Variants in B4GALNT2 observed in about 807,000 individuals in gnomAD.
B4GALNT2 encodes the protein N-acetylneuraminylgalactosylglucosyl-glucoside beta-1,4-N- acetylgalactosaminyltransferase 2.
A neutral mutation model predicts 51.1 loss-of-function variants in B4GALNT2; 42 were observed. The ratio of observed to expected loss-of-function variants is 0.82; its 90% CI spans 0.64 to 1.06. The LOEUF (loss-of-function observed/expected upper bound fraction) is 1.06, where lower values mean the gene tolerates loss of function less well. Among genes scored for constraint, B4GALNT2 ranks in the 50% least tolerant of loss-of-function variants. B4GALNT2 has a pLI of 0.00. For missense variants in B4GALNT2, 602 were observed against 633.6 expected (o/e 0.95, Z 0.54); for synonymous variants, 253 against 251.7 (o/e 1.01, Z -0.05).
Position 49,168,980 on chromosome 17 carries a change from C to T in B4GALNT2, c.1315+80C>T, listed in dbSNP as rs113743375. The T allele has an allele frequency of 2.7e-4, 385 of 1,417,716 alleles. 3 individuals carry two copies. In the African/African-American group the frequency reaches 3.6e-3, roughly 13 times the overall value. The allele number at this position is 1,417,716 out of a possible 1,614,324, so 87.8% of individuals were successfully genotyped here. A position where few individuals can be genotyped will look rare whatever the true frequency, so the allele number is the denominator to read the frequency against. On this transcript the variant is annotated intron_variant, in intron 10 of 10. Transcript: ENST00000393354. ...GTTTGTTCTTTCCAAGGGCTGTACCCGGCTGGCTGATCATAGTCGCTTGCC... is the reference window on the plus strand; with the variant it reads ...GTTTGTTCTTTCCAAGGGCTGTACCTGGCTGGCTGATCATAGTCGCTTGCC...
Position 49,173,037 on chromosome 17 carries a change from C to T in B4GALNT2, c.*3309C>T, listed in dbSNP as rs2042967032. On this transcript the variant is annotated 3_prime_UTR_variant, in exon 11 of 11. Coordinates refer to ENST00000393354, the MANE Select transcript of B4GALNT2 (RefSeq NM_001159387.2). ...CCGTATCTGTGTTTGAGACCAGAGG[C>T]ATTAACATAGGTTAAATTGTGAAAG... 1 of 152,236 alleles carries T rather than the reference C, an allele frequency of 6.6e-6. No individual in the cohort carries two copies. Among genetic ancestry groups the T allele is most frequent in the Non-Finnish European group, 1.5e-5 (1 of 68,048 alleles). The allele number at this position is 152,236 out of a possible 1,614,324, so 9.4% of individuals were successfully genotyped here.
At position 49,168,747 on chromosome 17, in the gene B4GALNT2, G is replaced by A; in HGVS notation, c.1162G>A (p.Ala388Thr). 2 of 1,614,072 alleles carry A rather than the reference G, an allele frequency of 1.2e-6. No homozygotes were observed. The highest frequency in any genetic ancestry group is 1.7e-6 in the Non-Finnish European group (2 of 1,180,012). ...GTTGCTGGAACAGAGTGAGAATGGG[G>A]CCTGCCTTCACAAGAGGATGGGATT... ...KLLLEQSENG[A>T]CLHKRMGFFQ... The change falls in exon 10 of 11, where the codon GCC becomes ACC. Residue 388 changes from alanine to threonine, a missense_variant. Transcript: ENST00000393354.
the B4GALNT2 span, among the ~76,000 whole-genome samples, chr17:49,126,685 C>G: frequency 3.2e-5 from 4 of 126,302 alleles, no homozygotes; most frequent in Non-Finnish European, 6.3e-5. Flanking sequence ...CAGTCTTGCT[C>G]TGTCACCCCA....
intron 7 of B4GALNT2, among the ~76,000 whole-genome samples, 187 bp downstream of exon 7, chr17:49,160,828 TA>T (rs1436638060): frequency 1.3e-5 from 2 of 152,202 alleles, no homozygotes; most frequent in Non-Finnish European, 2.9e-5. Flanking sequence ...TAATTATATT[TA>T]ACTTATTATG....
At chr17:49,138,982 G>C (rs1046286613) in intron 1 of B4GALNT2, among the ~76,000 whole-genome samples, 1 of 152,160 alleles carries the variant, frequency 6.6e-6, no homozygotes, top group Non-Finnish European at 1.5e-5. Flanking sequence ...GCTCTTGGCA[G>C]GGGGTCTAGA....
intron 3 of B4GALNT2, among the ~76,000 whole-genome samples, chr17:49,145,034 C>T (rs185618816): frequency 6.6e-6 from 1 of 152,222 alleles, no homozygotes; most frequent in African/African-American, 2.4e-5. Flanking sequence ...ATGGTGCCCA[C>T]CCAATTAAGG....
chr17:49,129,711 T>TGGC (rs569036817), upstream of B4GALNT2, among the ~76,000 whole-genome samples: 31 of 103,272 alleles, frequency 3.0e-4, no homozygotes, highest in Non-Finnish European at 4.5e-4. Flanking sequence ...TATTTCTGTG[T>TGGC]GGGGGGGGAA....
chr17:49,144,566 G>A (rs761700475), intron 3 of B4GALNT2, among the ~76,000 whole-genome samples: 3 of 152,166 alleles, frequency 2.0e-5, no homozygotes, highest in Non-Finnish European at 4.4e-5. Context: ...AGGTGATCTT[G>A]GGCAAGCTGC....
In B4GALNT2 at chr17:49,155,228, G is replaced by A. The variant is rs142356638; in HGVS notation, c.461-1338G>A. ...GAGGAGAATTGCTTGATCCTGGGAG[G>A]CGGAGTTTGCAGTGAGCTGAGATCA... On this transcript the variant is annotated intron_variant, in intron 4 of 10. Coordinates refer to ENST00000393354, the MANE Select transcript of B4GALNT2 (RefSeq NM_001159387.2). 2.0e-3 allele frequency among the ~76,000 whole-genome samples: 293 copies of A among 149,968 alleles called. 2 individuals carry two copies. Among genetic ancestry groups the A allele is most frequent in the African/African-American group, 6.9e-3 (280 of 40,698 alleles).
At position 49,171,490 on chromosome 17, in the gene B4GALNT2, C is replaced by T. The variant is rs1344593172; in HGVS notation, c.*1762C>T. The T allele has an allele frequency of 5.1e-6, 2 of 389,964 alleles. No individual in the cohort carries two copies. The highest frequency in any genetic ancestry group is 9.8e-6 in the Non-Finnish European group (2 of 204,658). The allele number at this position is 389,964 out of a possible 1,614,324, so 24.2% of individuals were successfully genotyped here. A position where few individuals can be genotyped will look rare whatever the true frequency, so the allele number is the denominator to read the frequency against. ...CCTTCTAGATGCTTTTTTATTCTTTCCCAAATTTTGATCTTATTAACAGAC... is the reference window on the plus strand; with the variant it reads ...CCTTCTAGATGCTTTTTTATTCTTTTCCAAATTTTGATCTTATTAACAGAC... On this transcript the variant is annotated 3_prime_UTR_variant, in exon 11 of 11. Coordinates refer to ENST00000393354, the MANE Select transcript of B4GALNT2 (RefSeq NM_001159387.2).
upstream of B4GALNT2, chr17:49,132,566 G>T: frequency 2.4e-6 from 1 of 421,552 alleles, no homozygotes; most frequent in Non-Finnish European, 4.1e-6. Context: ...TTTTCTTTAA[G>T]CGGGAGAGAG....
At chr17:49,132,925 G>C (rs1214084941) in intron 1 of B4GALNT2, 119 bp downstream of exon 1, 3 of 1,379,368 alleles carry the variant, frequency 2.2e-6, no homozygotes, top group Non-Finnish European at 2.8e-6. Flanking sequence ...GCCGGAGCCA[G>C]GGAGCGGGCG....
At chr17:49,125,415 C>T in the B4GALNT2 span, among the ~76,000 whole-genome samples, 45 of 152,206 alleles carry the variant, frequency 3.0e-4, no homozygotes, top group Admixed American at 5.9e-4. Context: ...CCGACTTGGC[C>T]TCCCAAAGTG....
At chr17:49,120,561 A>G in the B4GALNT2 span, among the ~76,000 whole-genome samples, 1 of 151,710 alleles carries the variant, frequency 6.6e-6, no homozygotes, top group East Asian at 1.9e-4. Context: ...GCTGGAGTGC[A>G]GAGGTGTGAT....
chr17:49,160,470 G>T, intron 6 of B4GALNT2, 85 bp from the exon 7 acceptor site: 2 of 1,265,330 alleles, frequency 1.6e-6, no homozygotes, highest in Non-Finnish European at 2.3e-6. Flanking sequence ...ACCTGTACTC[G>T]CCTGTCATGG....
At position 49,172,765 on chromosome 17, in the gene B4GALNT2, G is replaced by T. The variant is rs1225396718; in HGVS notation, c.*3037G>T. 2 of 152,084 alleles carry T rather than the reference G, an allele frequency of 1.3e-5. No homozygotes were observed. The highest frequency in any genetic ancestry group is 4.8e-5 in the African/African-American group (2 of 41,398). 9.4% of individuals were successfully genotyped at this position (152,084 alleles called of 1,614,324 possible). A position where few individuals can be genotyped will look rare whatever the true frequency, so the allele number is the denominator to read the frequency against. On this transcript the variant is annotated 3_prime_UTR_variant, in exon 11 of 11. Coordinates refer to ENST00000393354, the MANE Select transcript of B4GALNT2 (RefSeq NM_001159387.2). ...CCATCACCGCAAAACACTGCAAAAGGTGACGTTTAACACAGGCAGAAGACT... is the reference window on the plus strand; with the variant it reads ...CCATCACCGCAAAACACTGCAAAAGTTGACGTTTAACACAGGCAGAAGACT...
intron 9 of B4GALNT2, among the ~76,000 whole-genome samples, chr17:49,167,112 A>T (rs2144342389): frequency 6.6e-6 from 1 of 152,328 alleles, no homozygotes; most frequent in Admixed American, 6.5e-5. Context: ...CAGCAAAGAC[A>T]TCTCTTGGCA....
intron 1 of B4GALNT2, chr17:49,133,286 C>T: frequency 7.0e-7 from 1 of 1,419,778 alleles, no homozygotes; most frequent in South Asian, 1.5e-5. Context: ...GGCTTGGTCT[C>T]CTCCACAGTC....
chr17:49,132,641 C>A (rs1598191845), upstream of B4GALNT2: 2 of 833,682 alleles, frequency 2.4e-6, no homozygotes, highest in African/African-American at 1.8e-5. Context: ...GGTGTGGGGG[C>A]GGTCAGGAGA....
Sources: allele counts gnomAD v4.1 joint callset (sites outside exome capture counted in the v4.1 genomes callset), GRCh38; gene constraint gnomAD v4.1.1; transcripts MANE v1.5; gene names NCBI Gene and HGNC (gene_info 2026-07-23, HGNC 2026-07-21).